Variants in HPSE2 observed in about 807,000 individuals in gnomAD.
HPSE2 encodes heparanase 2 (inactive), also known as inactive heparanase-2.
Under a neutral mutation model 60.5 loss-of-function variants are expected in HPSE2, and 38 were observed. The observed-to-expected ratio is 0.63, with a 90% CI of 0.48 to 0.82. HPSE2 has a LOEUF of 0.82. Ranked by LOEUF, HPSE2 falls within the 40% of genes least tolerant of loss-of-function variation. The pLI, the probability that HPSE2 is intolerant of heterozygous loss-of-function variation, is 0.00. For synonymous variants in HPSE2, 295 were observed against 293.2 expected, an observed-to-expected ratio of 1.01 and a Z score of -0.06; for missense variants, 713 against 740.4, an observed-to-expected ratio of 0.96 and a Z score of 0.43.
intron 4 of HPSE2, among the ~76,000 whole-genome samples, chr10:98,722,484 G>T (rs1002063325): frequency 1.3e-5 from 2 of 152,002 alleles, no homozygotes; most frequent in African/African-American, 4.8e-5. Context: ...AGCAATTTTT[G>T]TTGTTTTAAG....
the HPSE2 span, among the ~76,000 whole-genome samples, chr10:99,242,124 A>G: frequency 6.6e-6 from 1 of 152,214 alleles, no homozygotes; most frequent in Non-Finnish European, 1.5e-5. Context: ...GTTACAAAGT[A>G]TGTTATTTTG....
chr10:98,485,423 A>G (rs1313795283), intron 10 of HPSE2, among the ~76,000 whole-genome samples: 1 of 152,224 alleles, frequency 6.6e-6, no homozygotes, highest in Non-Finnish European at 1.5e-5. Context: ...ATAAATTATT[A>G]AAACGACTCT....
chr10:99,089,502 G>A (rs1273529485), intron 3 of HPSE2, among the ~76,000 whole-genome samples: 1 of 152,072 alleles, frequency 6.6e-6, no homozygotes, highest in Admixed American at 6.5e-5. Flanking sequence ...CTTTATTTCT[G>A]GGTTCTCTAT....
At chr10:98,764,451 T>C (rs1352975481) in intron 3 of HPSE2, among the ~76,000 whole-genome samples, 1 of 152,190 alleles carries the variant, frequency 6.6e-6, no homozygotes, top group East Asian at 1.9e-4. Context: ...TTAGATTAAA[T>C]GTAAACGTAC....
At chr10:99,144,011 T>C (rs1000377352) in intron 3 of HPSE2, among the ~76,000 whole-genome samples, 1 of 152,232 alleles carries the variant, frequency 6.6e-6, no homozygotes, top group Admixed American at 6.5e-5. Flanking sequence ...TTTAAAGGCT[T>C]CAATAGGTTT....
At chr10:99,191,342 G>A (rs193295272) in intron 2 of HPSE2, among the ~76,000 whole-genome samples, 78 of 151,540 alleles carry the variant, frequency 5.1e-4, no homozygotes, top group Admixed American at 5.1e-3. Context: ...CTGACTCAGT[G>A]CAGTCCCAGG....
intron 3 of HPSE2, among the ~76,000 whole-genome samples, chr10:98,848,844 G>A (rs1467311742): frequency 2.0e-5 from 3 of 152,018 alleles, no homozygotes; most frequent in South Asian, 4.2e-4. Context: ...TTTAACTTCT[G>A]TGCTCCCTTC....
At chr10:99,162,532 A>C (rs1846886044) in intron 2 of HPSE2, among the ~76,000 whole-genome samples, 2 of 152,186 alleles carry the variant, frequency 1.3e-5, no homozygotes, top group South Asian at 4.1e-4. Context: ...CCACTACAAC[A>C]GCAGCAAGAA....
In HPSE2 at chr10:98,881,020, T is replaced by G. The variant is rs138895813; in HGVS notation, c.611-136964A>C. ...TGCTGTTGCTGCTCTCTCTATCCCA[T>G]AGCGTTGTTCCTCTATTTGAGGACA... On this transcript the variant is annotated intron_variant, in intron 3 of 11. Coordinates refer to ENST00000370552, the MANE Select transcript of HPSE2 (RefSeq NM_021828.5). Among the ~76,000 whole-genome samples the G allele has an allele frequency of 6.8e-4, 104 of 152,160 alleles. 1 individual carries two copies. Among genetic ancestry groups the G allele is most frequent in the African/African-American group, 2.4e-3 (101 of 41,568 alleles).
At chr10:98,588,653 C>T (rs1033654827) in intron 9 of HPSE2, among the ~76,000 whole-genome samples, 12 of 151,982 alleles carry the variant, frequency 7.9e-5, no homozygotes, top group Admixed American at 3.9e-4. Context: ...GCAATGGTAA[C>T]GCTCATGCTC....
chr10:98,605,263 T>A (rs931032859), intron 9 of HPSE2, among the ~76,000 whole-genome samples: 3 of 152,184 alleles, frequency 2.0e-5, no homozygotes, highest in Non-Finnish European at 4.4e-5. Context: ...CTGGGGATAA[T>A]GAGTGAACAA....
intron 1 of HPSE2, among the ~76,000 whole-genome samples, chr10:99,232,969 C>T (rs1849714692): frequency 6.6e-6 from 1 of 152,278 alleles, no homozygotes; most frequent in Non-Finnish European, 1.5e-5. Context: ...GCATTGCCTC[C>T]GCAGCCCCAG....
intron 9 of HPSE2, among the ~76,000 whole-genome samples, chr10:98,604,025 C>T (rs1945507690): frequency 6.6e-6 from 1 of 152,126 alleles, no homozygotes; most frequent in Admixed American, 6.5e-5. Context: ...CTTCCTCTCC[C>T]CCCATACCTT....
chr10:98,921,725 T>A (rs974749998), intron 3 of HPSE2, among the ~76,000 whole-genome samples: 1 of 152,194 alleles, frequency 6.6e-6, no homozygotes, highest in Non-Finnish European at 1.5e-5. Context: ...CCCCAGCAGC[T>A]GAGGCCAGTG....
intron 2 of HPSE2, among the ~76,000 whole-genome samples, chr10:99,223,140 G>A (rs890160439): frequency 6.6e-6 from 1 of 152,100 alleles, no homozygotes; most frequent in Non-Finnish European, 1.5e-5. Flanking sequence ...CTGAGTCTCT[G>A]TGGCACAACT....
chr10:99,238,554 G>A (rs1440885172), upstream of HPSE2, among the ~76,000 whole-genome samples: 4 of 152,108 alleles, frequency 2.6e-5, no homozygotes, highest in African/African-American at 9.7e-5. Context: ...AGGACATCAG[G>A]GGAAAGAAAT....
intron 3 of HPSE2, among the ~76,000 whole-genome samples, chr10:98,955,560 G>C (rs1364904377): frequency 6.6e-6 from 1 of 152,044 alleles, no homozygotes; most frequent in African/African-American, 2.4e-5. Flanking sequence ...ATTCTTCAAA[G>C]ACCTAGAATC....
intron 3 of HPSE2, among the ~76,000 whole-genome samples, chr10:98,940,990 T>A (rs2135151674): frequency 7.8e-6 from 1 of 129,012 alleles, no homozygotes; most frequent in Non-Finnish European, 1.6e-5. Context: ...AACCACATGA[T>A]TATCTCAATA....
chr10:99,221,419 C>A (rs1019947701), intron 2 of HPSE2, among the ~76,000 whole-genome samples: 1 of 152,044 alleles, frequency 6.6e-6, no homozygotes, highest in Non-Finnish European at 1.5e-5. Context: ...TCTCACAGTG[C>A]CCTATAATCT....
Sources: allele counts gnomAD v4.1 joint callset (sites outside exome capture counted in the v4.1 genomes callset), GRCh38; gene constraint gnomAD v4.1.1; transcripts MANE v1.5; gene names NCBI Gene and HGNC (gene_info 2026-07-23, HGNC 2026-07-21).